DPY19L2: variants seen among roughly 807,000 people sequenced by gnomAD.
The protein encoded by DPY19L2 is dpy-19 like 2.
A neutral mutation model predicts 97.9 loss-of-function variants in DPY19L2; 34 were observed. That is an observed-to-expected ratio of 0.35 (90% CI 0.26 to 0.46). DPY19L2 has a LOEUF of 0.46. Among genes scored for constraint, DPY19L2 ranks in the 20% least tolerant of loss-of-function variants. The probability of loss-of-function intolerance (pLI) is 1.00; values close to 1 mark genes in which losing one functional copy is unlikely to be tolerated. For synonymous variants in DPY19L2, 230 were observed against 307.9 expected (o/e 0.75, Z 2.65); for missense variants, 623 against 911.4 (o/e 0.68, Z 4.07).
At chr12:63,601,912 A>G (rs1379619993) in intron 12 of DPY19L2, among the ~76,000 whole-genome samples, 4 of 152,176 alleles carry the variant, frequency 2.6e-5, no homozygotes, top group Non-Finnish European at 5.9e-5. Flanking sequence ...AAAAAATCAC[A>G]CTATGCTACA....
At chr12:63,640,235 A>G (rs1377816410) in intron 6 of DPY19L2, among the ~76,000 whole-genome samples, 1 of 152,174 alleles carries the variant, frequency 6.6e-6, no homozygotes, top group Non-Finnish European at 1.5e-5. Flanking sequence ...TAGCATTAGG[A>G]GATATACCTA....
At chr12:63,637,886 C>A (rs181958489) in intron 6 of DPY19L2, among the ~76,000 whole-genome samples, 1 of 152,148 alleles carries the variant, frequency 6.6e-6, no homozygotes, top group Non-Finnish European at 1.5e-5. Flanking sequence ...GATACCAAGG[C>A]CTGGCAGAGA....
At chr12:63,596,183 G>A (rs887454186) in intron 14 of DPY19L2, 146 bp from the exon 15 acceptor site, 1 of 451,192 alleles carries the variant, frequency 2.2e-6, no homozygotes, top group African/African-American at 2.1e-5. Context: ...TATATTTATT[G>A]TCTTCCATGC....
intron 4 of DPY19L2, among the ~76,000 whole-genome samples, chr12:63,659,910 T>C (rs925042517): frequency 3.3e-5 from 5 of 152,160 alleles, no homozygotes; most frequent in Admixed American, 1.3e-4. Flanking sequence ...TATATGTTGT[T>C]GACAGAAGAA....
chr12:63,650,323 A>C (rs977904112), intron 4 of DPY19L2, among the ~76,000 whole-genome samples: 62 of 152,260 alleles, frequency 4.1e-4, no homozygotes, highest in African/African-American at 1.4e-3. Context: ...CAGCCAGAGC[A>C]ATCAGGCAAA....
Position 63,601,136 on chromosome 12 carries a change from AG to A in DPY19L2, c.1279-751del, listed in dbSNP as rs1885126227. Among the ~76,000 whole-genome samples, 3 of 152,138 alleles carry A rather than the reference AG, an allele frequency of 2.0e-5. No homozygotes were observed. The East Asian group carries it at 5.8e-4, about 29-fold the overall frequency. The stretch of plus-strand genomic sequence containing the variant: ...CTTCCTTTTGATTTCTGTTAAGAAA[AG>A]GGAGTGTTTATGTGTTTGTTTCCAA... On this transcript the variant is annotated intron_variant, in intron 12 of 21. Transcript: ENST00000324472.
At chr12:63,583,878 T>G in intron 16 of DPY19L2, 42 bp from the exon 17 acceptor site, 1 of 1,546,132 alleles carries the variant, frequency 6.5e-7, no homozygotes, top group Non-Finnish European at 8.9e-7. Flanking sequence ...TGAAGGTCTT[T>G]TATACTATGA....
At chr12:63,612,076 G>A (rs974595703) in intron 11 of DPY19L2, among the ~76,000 whole-genome samples, 8 of 152,002 alleles carry the variant, frequency 5.3e-5, no homozygotes, top group Non-Finnish European at 1.0e-4. Context: ...GCGTAGGGAT[G>A]TCAACAGATT....
At chr12:63,613,953 G>C (rs1434009731) in intron 11 of DPY19L2, among the ~76,000 whole-genome samples, 1 of 151,944 alleles carries the variant, frequency 6.6e-6, no homozygotes, top group Non-Finnish European at 1.5e-5. Flanking sequence ...CACTTGGGAG[G>C]CAGAGGCAGG....
intron 16 of DPY19L2, among the ~76,000 whole-genome samples, chr12:63,592,746 A>G (rs1883350280): frequency 6.6e-6 from 1 of 151,392 alleles, no homozygotes; most frequent in South Asian, 2.1e-4. Flanking sequence ...CTTCATGTCT[A>G]AAACACCAAA....
intron 9 of DPY19L2, among the ~76,000 whole-genome samples, chr12:63,619,479 G>T (rs1888338721): frequency 6.6e-6 from 1 of 150,776 alleles, no homozygotes; most frequent in East Asian, 1.9e-4. Flanking sequence ...TATATCCAGA[G>T]AATGACTAGA....
At position 63,560,572 on chromosome 12, in the gene DPY19L2, G is replaced by A; in HGVS notation, c.2217C>T (p.Ala739=). Residue 739 remains alanine, a synonymous_variant, in exon 22 of 22, where the codon GCC becomes GCT. Transcript: ENST00000324472. ...GAAATACTGTGGTGAAGTAAGGCCTGGCGTCTTCGAGCAGGACGCTACATA... is the reference window on the plus strand; with the variant it reads ...GAAATACTGTGGTGAAGTAAGGCCTAGCGTCTTCGAGCAGGACGCTACATA... ...PPLCSVLLED[A]RPYFTTVFQN... 1 of 1,614,000 alleles carries A rather than the reference G, an allele frequency of 6.2e-7. No homozygotes were observed. Among genetic ancestry groups the A allele is most frequent in the Non-Finnish European group, 8.5e-7 (1 of 1,179,946 alleles).
chr12:63,666,197 T>G (rs1438665754), intron 1 of DPY19L2, among the ~76,000 whole-genome samples: 1 of 152,128 alleles, frequency 6.6e-6, no homozygotes, highest in Non-Finnish European at 1.5e-5. Context: ...ATATGAAATT[T>G]TTAAAAGAAG....
intron 9 of DPY19L2, 28 bp downstream of exon 9, chr12:63,621,210 T>C (rs1273633858): frequency 1.9e-6 from 2 of 1,054,538 alleles, no homozygotes; most frequent in African/African-American, 1.6e-5. Context: ...AAAATAAAAA[T>C]AAAAATTAAT....
rs147588827 is a variant in DPY19L2 at position 63,594,165 on chromosome 12, G to C, written c.1534-32C>G. ...ATAGAATCAAATCAATGAAACTTTTGTAAGGAATACTGCAATATTTAAAAT... is the reference window on the plus strand; with the variant it reads ...ATAGAATCAAATCAATGAAACTTTTCTAAGGAATACTGCAATATTTAAAAT... On this transcript the variant is annotated intron_variant, in intron 15 of 21. Coordinates refer to ENST00000324472, the MANE Select transcript of DPY19L2 (RefSeq NM_173812.5). The C allele has an allele frequency of 0.018, 25,924 of 1,440,450 alleles. 321 individuals are homozygous for C. Among genetic ancestry groups the C allele is most frequent in the Non-Finnish European group, 0.021 (22,391 of 1,050,288 alleles). 89.2% of individuals were successfully genotyped at this position (1,440,450 alleles called of 1,614,324 possible). A position where few individuals can be genotyped will look rare whatever the true frequency, so the allele number is the denominator to read the frequency against.
intron 6 of DPY19L2, among the ~76,000 whole-genome samples, chr12:63,631,151 A>C (rs1214233891): frequency 2.0e-5 from 3 of 152,130 alleles, no homozygotes; most frequent in African/African-American, 7.2e-5. Context: ...CATCACAATT[A>C]AAAGAACTAG....
intron 6 of DPY19L2, among the ~76,000 whole-genome samples, chr12:63,628,042 T>A (rs1198239278): frequency 6.6e-6 from 1 of 152,086 alleles, no homozygotes; most frequent in Non-Finnish European, 1.5e-5. Flanking sequence ...ATGGAGGAAC[T>A]GGGGAAATGT....
Position 63,600,209 on chromosome 12 carries a change from CCTCT to C in DPY19L2, c.1359+93_1359+96del, listed in dbSNP as rs1345542564. 6 of 1,021,492 alleles carry C rather than the reference CCTCT, an allele frequency of 5.9e-6. No individual in the cohort carries two copies. The African/African-American group carries it at 8.0e-5, about 14-fold the overall frequency. 63.3% of individuals were successfully genotyped at this position (1,021,492 alleles called of 1,614,324 possible). A position where few individuals can be genotyped will look rare whatever the true frequency, so the allele number is the denominator to read the frequency against. On this transcript the variant is annotated intron_variant, in intron 13 of 21. Transcript: ENST00000324472. Reference sequence around the variant, plus strand: ...TAGAGACCTTAGAGAAGGCACTTAACCTCTGTAAAATGAAGAGATAAGAATAGAT... The same window carrying C: ...TAGAGACCTTAGAGAAGGCACTTAACGTAAAATGAAGAGATAAGAATAGAT...
rs146233593 is a variant in DPY19L2, at chr12:63,612,179, G to T, written c.1219-3504C>A. Among the ~76,000 whole-genome samples, 761 of 151,982 alleles carry T rather than the reference G, an allele frequency of 5.0e-3. 6 individuals are homozygous for T. Among genetic ancestry groups the T allele is most frequent in the South Asian group, 0.013 (61 of 4,818 alleles). ...CTGTTAACCTGCAATTCTACACCCA[G>T]GAAACATACCTTTCAAAAATGAAGG... On this transcript the variant is annotated intron_variant, in intron 11 of 21. Transcript: ENST00000324472.
Sources: gnomAD v4.1 joint callset for allele counts (sites outside exome capture counted in the v4.1 genomes callset) on GRCh38, gnomAD v4.1.1 for gene constraint, MANE v1.5 for transcripts, NCBI Gene and HGNC (gene_info 2026-07-23, HGNC 2026-07-21) for gene names.